The following CRTAC1 variants were observed in gnomAD, a reference collection of about 807,000 sequenced individuals.
CRTAC1 encodes the protein acidic secreted protein in cartilage.
A neutral mutation model predicts 67.8 loss-of-function variants in CRTAC1; 37 were observed. That is an observed-to-expected ratio of 0.55 (90% CI 0.42 to 0.72). The LOEUF is 0.72. Ranked by LOEUF, CRTAC1 falls within the 30% of genes least tolerant of loss-of-function variation. The probability of loss-of-function intolerance (pLI) is 0.00; values close to 1 mark genes in which losing one functional copy is unlikely to be tolerated. For missense variants in CRTAC1, 780 were observed against 931.6 expected (o/e 0.84, Z 2.12); for synonymous variants, 348 against 371.0 (o/e 0.94, Z 0.71).
intron 14 of CRTAC1, among the ~76,000 whole-genome samples, chr10:97,874,566 C>T (rs1163561609): frequency 2.6e-5 from 4 of 152,174 alleles, no homozygotes; most frequent in African/African-American, 9.7e-5. Context: ...TGGGTGGCAG[C>T]AGGGTGTACC....
At chr10:97,917,758 T>G (rs1257595096) in intron 4 of CRTAC1, 102 bp from the exon 5 acceptor site, 13 of 942,460 alleles carry the variant, frequency 1.4e-5, no homozygotes. Flanking sequence ...TTCACAGGGT[T>G]GGGTTCTTCT....
chr10:97,950,337 C>A (rs535839201), intron 2 of CRTAC1, among the ~76,000 whole-genome samples: 1 of 151,424 alleles, frequency 6.6e-6, no homozygotes, highest in South Asian at 2.1e-4. Context: ...CCCTGGGGAG[C>A]CCTAGGTCTT....
chr10:97,901,113 ACCCC>A (rs2050533554), intron 8 of CRTAC1, among the ~76,000 whole-genome samples: 3 of 132,958 alleles, frequency 2.3e-5, no homozygotes, highest in African/African-American at 9.5e-5. Flanking sequence ...TAGTGATTGG[ACCCC>A]GTAGCCCCTT....
chr10:98,018,914 G>A (rs1031061744), intron 1 of CRTAC1, among the ~76,000 whole-genome samples: 4 of 152,322 alleles, frequency 2.6e-5, no homozygotes, highest in African/African-American at 7.2e-5. Flanking sequence ...AACAGGAGCT[G>A]CCCTGGGTCT....
intron 11 of CRTAC1, 58 bp from the exon 12 acceptor site, chr10:97,884,409 A>C: frequency 6.9e-7 from 1 of 1,445,226 alleles, no homozygotes; most frequent in Non-Finnish European, 9.5e-7. Flanking sequence ...CTCTCAGCGG[A>C]AGCATCAGCA....
At chr10:97,876,090 C>T (rs2136533008) in intron 14 of CRTAC1, among the ~76,000 whole-genome samples, 1 of 152,268 alleles carries the variant, frequency 6.6e-6, no homozygotes, top group East Asian at 1.9e-4. Context: ...CCATTTTTCC[C>T]CTCCCAATCC....
At chr10:97,932,753 C>T (rs1027730261) in intron 3 of CRTAC1, among the ~76,000 whole-genome samples, 6 of 152,052 alleles carry the variant, frequency 3.9e-5, no homozygotes, top group Admixed American at 2.0e-4. Context: ...GTGCTGTAAG[C>T]GATGGGAAGG....
At chr10:97,929,120 C>T (rs2050965331) in intron 3 of CRTAC1, among the ~76,000 whole-genome samples, 1 of 151,884 alleles carries the variant, frequency 6.6e-6, no homozygotes, top group South Asian at 2.1e-4. Flanking sequence ...AACAGTGACC[C>T]AAGCAGGGAC....
intron 2 of CRTAC1, among the ~76,000 whole-genome samples, chr10:97,948,246 C>G (rs2051295807): frequency 6.6e-6 from 1 of 152,042 alleles, no homozygotes; most frequent in Non-Finnish European, 1.5e-5. Flanking sequence ...GAGGGGTAGC[C>G]AACAGTGTCA....
In CRTAC1 at chr10:97,874,196, T is replaced by C. The variant is rs574807536; in HGVS notation, c.1819+6053A>G. Among the ~76,000 whole-genome samples the C allele has an allele frequency of 2.0e-5, 3 of 152,288 alleles. No individual in the cohort carries two copies. The South Asian group carries it at 6.2e-4, about 32-fold the overall frequency. On this transcript the variant is annotated intron_variant, in intron 14 of 14. Coordinates refer to ENST00000370597, the MANE Select transcript of CRTAC1 (RefSeq NM_018058.7). Reference sequence around the variant, plus strand: ...AAAGTTGCAGCTCCTTTTTGGGCCTTGGTTTCCACGTCTGAAAAGGAGGGA... The same window carrying C: ...AAAGTTGCAGCTCCTTTTTGGGCCTCGGTTTCCACGTCTGAAAAGGAGGGA...
chr10:97,879,937 G>A (rs1436679329), intron 14 of CRTAC1: 1 of 813,386 alleles, frequency 1.2e-6, no homozygotes, highest in Non-Finnish European at 1.9e-6. Context: ...AGTAGTAGGA[G>A]TTAGTTTATA....
intron 3 of CRTAC1, among the ~76,000 whole-genome samples, chr10:97,934,181 T>C (rs2051045994): frequency 6.6e-6 from 1 of 152,214 alleles, no homozygotes; most frequent in Non-Finnish European, 1.5e-5. Flanking sequence ...TCCTGGGGAC[T>C]CACCCCTTCT....
intron 5 of CRTAC1, among the ~76,000 whole-genome samples, chr10:97,913,733 T>G (rs1231656655): frequency 6.6e-6 from 1 of 152,240 alleles, no homozygotes; most frequent in East Asian, 1.9e-4. Context: ...GGGGAGCCTG[T>G]CACTCCAGCC....
chr10:97,922,045 G>C (rs943468528), intron 4 of CRTAC1, among the ~76,000 whole-genome samples: 1 of 152,046 alleles, frequency 6.6e-6, no homozygotes, highest in African/African-American at 2.4e-5. Flanking sequence ...AGTTGCCCAC[G>C]TTAGCTGAGT....
chr10:97,928,077 G>A (rs1281603841), intron 3 of CRTAC1, among the ~76,000 whole-genome samples: 3 of 152,226 alleles, frequency 2.0e-5, no homozygotes, highest in African/African-American at 7.2e-5. Context: ...AGAGGCGTGG[G>A]AGAAACAGGA....
rs746785700 is a variant in CRTAC1 at position 97,936,061 on chromosome 10, G to A, written c.421+109C>T. ...GGCAGCAGGGGGCAGTGCCTAGGGG[G>A]ACAATGACAGTTGCCTGAGGAAGGG... is the stretch of plus-strand genomic sequence containing the variant. On this transcript the variant is annotated intron_variant, in intron 3 of 14. Transcript: ENST00000370597. The A allele has an allele frequency of 8.0e-4, 834 of 1,046,832 alleles. 1 individual carries two copies. Among genetic ancestry groups the A allele is most frequent in the Non-Finnish European group, 1.1e-3 (765 of 715,896 alleles). 64.8% of individuals were successfully genotyped at this position (1,046,832 alleles called of 1,614,324 possible). A position where few individuals can be genotyped will look rare whatever the true frequency, so the allele number is the denominator to read the frequency against.
At chr10:98,004,153 T>A in intron 2 of CRTAC1, among the ~76,000 whole-genome samples, 1 of 152,224 alleles carries the variant, frequency 6.6e-6, no homozygotes, top group East Asian at 1.9e-4. Flanking sequence ...GCTGGCACAC[T>A]GCAACCATTC....
intron 3 of CRTAC1, among the ~76,000 whole-genome samples, chr10:97,931,728 C>T (rs2051006506): frequency 6.6e-6 from 1 of 152,220 alleles, no homozygotes; most frequent in Non-Finnish European, 1.5e-5. Flanking sequence ...TTCACACTGA[C>T]CCATCCACTA....
At chr10:97,985,081 G>A (rs192644456) in intron 2 of CRTAC1, among the ~76,000 whole-genome samples, 1 of 152,110 alleles carries the variant, frequency 6.6e-6, no homozygotes, top group African/African-American at 2.4e-5. Flanking sequence ...GGATTGTTTC[G>A]GCTTGTGTAG....
Sources: allele counts gnomAD v4.1 joint callset (sites outside exome capture counted in the v4.1 genomes callset), GRCh38; gene constraint gnomAD v4.1.1; transcripts MANE v1.5; gene names NCBI Gene and HGNC (gene_info 2026-07-23, HGNC 2026-07-21).